The following GALNT13 variants were observed in gnomAD, a reference collection of about 807,000 sequenced individuals.
The protein encoded by GALNT13 is UDP-GalNAc:polypeptide N-acetylgalactosaminyltransferase 13.
Under a neutral mutation model 64.2 loss-of-function variants are expected in GALNT13, and 28 were observed. That is an observed-to-expected ratio of 0.44 (90% CI 0.32 to 0.60). The LOEUF (loss-of-function observed/expected upper bound fraction) is 0.60. Ranked by LOEUF, GALNT13 falls within the 20% of genes least tolerant of loss-of-function variation. GALNT13 has a pLI of 0.05. For synonymous variants in GALNT13, 214 were observed against 224.6 expected, an observed-to-expected ratio of 0.95 and a Z score of 0.42; for missense variants, 577 against 669.8, an observed-to-expected ratio of 0.86 and a Z score of 1.53.
At chr2:154,339,371 T>C (rs1695628206) in intron 9 of GALNT13, among the ~76,000 whole-genome samples, 1 of 152,080 alleles carries the variant, frequency 6.6e-6, no homozygotes. Context: ...TTTGGATAAG[T>C]AACAAATTTT....
the GALNT13 span, among the ~76,000 whole-genome samples, chr2:153,729,242 T>C: frequency 3.3e-5 from 5 of 152,272 alleles, no homozygotes; most frequent in East Asian, 9.6e-4. Flanking sequence ...TTCCATTGGA[T>C]TTCTGACTTC....
At chr2:153,555,806 C>T in the GALNT13 span, among the ~76,000 whole-genome samples, 127,355 of 152,214 alleles carry the variant, frequency 0.84, 53,879 homozygotes, top group African/African-American at 0.96. Context: ...AAATTTGTAA[C>T]TTAGCCTATT....
At chr2:154,048,070 G>A (rs1158067479) in intron 3 of GALNT13, among the ~76,000 whole-genome samples, 1 of 152,168 alleles carries the variant, frequency 6.6e-6, no homozygotes, top group Admixed American at 6.5e-5. Flanking sequence ...TTCTAGGAAG[G>A]CCTCAGGAAA....
At chr2:154,092,732 A>G (rs1701879010) in intron 3 of GALNT13, among the ~76,000 whole-genome samples, 1 of 152,076 alleles carries the variant, frequency 6.6e-6, no homozygotes, top group Non-Finnish European at 1.5e-5. Context: ...CATCATCATG[A>G]ACAGTGGTAA....
At chr2:153,539,431 T>C in the GALNT13 span, among the ~76,000 whole-genome samples, 6 of 152,112 alleles carry the variant, frequency 3.9e-5, no homozygotes, top group South Asian at 4.1e-4. Flanking sequence ...CTTTTGTTGC[T>C]ATTGCTTTTG....
the GALNT13 span, among the ~76,000 whole-genome samples, chr2:153,380,034 C>G: frequency 6.6e-6 from 1 of 152,038 alleles, no homozygotes; most frequent in Non-Finnish European, 1.5e-5. Flanking sequence ...GAGATGAGAA[C>G]AGTGGTAAGT....
intron 3 of GALNT13, among the ~76,000 whole-genome samples, chr2:153,966,894 G>A (rs1417870457): frequency 6.6e-6 from 1 of 151,858 alleles, no homozygotes; most frequent in Admixed American, 6.6e-5. Context: ...CTATTGTCTA[G>A]ATTTTGTGGG....
At chr2:153,630,669 T>A in the GALNT13 span, among the ~76,000 whole-genome samples, 1 of 131,230 alleles carries the variant, frequency 7.6e-6, no homozygotes, top group South Asian at 2.5e-4. Context: ...TTAAAAAAAA[T>A]TAAAAAATTA....
At chr2:153,181,175 T>G in the GALNT13 span, among the ~76,000 whole-genome samples, 1 of 151,690 alleles carries the variant, frequency 6.6e-6, no homozygotes. Context: ...GAACTTATTT[T>G]GCTGCATCCC....
At chr2:154,027,596 C>G (rs1172372632) in intron 3 of GALNT13, among the ~76,000 whole-genome samples, 5 of 151,970 alleles carry the variant, frequency 3.3e-5, no homozygotes, top group African/African-American at 9.7e-5. Flanking sequence ...AAGCTTAGAA[C>G]TGTTTAAGCA....
At chr2:153,215,770 T>C in the GALNT13 span, among the ~76,000 whole-genome samples, 2 of 151,890 alleles carry the variant, frequency 1.3e-5, no homozygotes, top group African/African-American at 4.8e-5. Context: ...ATTTTTTTTT[T>C]CATTCTCTGG....
At chr2:153,456,246 C>G in the GALNT13 span, among the ~76,000 whole-genome samples, 1 of 152,190 alleles carries the variant, frequency 6.6e-6, no homozygotes, top group African/African-American at 2.4e-5. Flanking sequence ...AGGGACCCGC[C>G]CTTTTCTGCC....
the GALNT13 span, among the ~76,000 whole-genome samples, chr2:153,407,394 G>T: frequency 6.6e-6 from 1 of 152,156 alleles, no homozygotes; most frequent in African/African-American, 2.4e-5. Flanking sequence ...TAGCTTTGGG[G>T]TTAAATGCTC....
At position 153,882,631 on chromosome 2, in the gene GALNT13, C is replaced by CT. The variant is rs113940624; in HGVS notation, c.-177+10342dup. ...ACTTTTTATTCCTTTATATTCTTTACTTTTTTTTTTTTTTCTTGAGCCAGG... is the reference window on the plus strand; with the variant it reads ...ACTTTTTATTCCTTTATATTCTTTACTTTTTTTTTTTTTTTCTTGAGCCAGG... On this transcript the variant is annotated intron_variant, in intron 1 of 12. Coordinates refer to ENST00000392825, the MANE Select transcript of GALNT13 (RefSeq NM_052917.4). Among the ~76,000 whole-genome samples, 675 of 143,438 alleles carry CT rather than the reference C, an allele frequency of 4.7e-3. 2 individuals are homozygous for CT. Among genetic ancestry groups the CT allele is most frequent in the African/African-American group, 9.1e-3 (361 of 39,456 alleles). The allele number at this position is 143,438 out of a possible 152,430, so 94.1% of individuals were successfully genotyped here.
At chr2:153,813,125 GTA>G in the GALNT13 span, among the ~76,000 whole-genome samples, 1 of 152,040 alleles carries the variant, frequency 6.6e-6, no homozygotes, top group Non-Finnish European at 1.5e-5. Context: ...GTTTGAGACT[GTA>G]TATGAGTTTT....
chr2:154,428,786 T>A (rs1031636714), intron 11 of GALNT13, among the ~76,000 whole-genome samples: 1 of 151,756 alleles, frequency 6.6e-6, no homozygotes, highest in Non-Finnish European at 1.5e-5. Flanking sequence ...GATTTTTTTT[T>A]TTTTTTTTTA....
At chr2:153,529,350 A>G in the GALNT13 span, among the ~76,000 whole-genome samples, 4,143 of 152,176 alleles carry the variant, frequency 0.027, 171 homozygotes, top group African/African-American at 0.094. Flanking sequence ...TGACCTGCCC[A>G]GAGTGAACCA....
the GALNT13 span, among the ~76,000 whole-genome samples, chr2:153,144,337 G>A: frequency 6.6e-6 from 1 of 151,818 alleles, no homozygotes; most frequent in Non-Finnish European, 1.5e-5. Flanking sequence ...CACCTCAGGA[G>A]CCTGGATATG....
At chr2:154,150,662 G>A (rs1001519666) in intron 4 of GALNT13, among the ~76,000 whole-genome samples, 3 of 152,220 alleles carry the variant, frequency 2.0e-5, no homozygotes, top group Non-Finnish European at 4.4e-5. Flanking sequence ...TCTTGGGAGA[G>A]TGTTTGTGTC....
Sources: gnomAD v4.1 joint callset for allele counts (sites outside exome capture counted in the v4.1 genomes callset) on GRCh38, gnomAD v4.1.1 for gene constraint, MANE v1.5 for transcripts, NCBI Gene and HGNC (gene_info 2026-07-23, HGNC 2026-07-21) for gene names.